The following PDZK1IP1 variants were observed in gnomAD, a reference collection of about 807,000 sequenced individuals.
The protein encoded by PDZK1IP1 is PDZK1-interacting protein 1.
PDZK1IP1 carries 9 observed loss-of-function variants against 14.7 expected under a neutral mutation model. The observed-to-expected ratio is 0.61, with a 90% confidence interval of 0.37 to 1.07. The LOEUF (loss-of-function observed/expected upper bound fraction) is 1.07, where lower values mean the gene tolerates loss of function less well. PDZK1IP1 is among the 50% of genes least tolerant of loss of function. The probability of loss-of-function intolerance (pLI) is 0.01; values close to 1 mark genes in which losing one functional copy is unlikely to be tolerated. For missense variants in PDZK1IP1, 152 were observed against 148.7 expected, an observed-to-expected ratio of 1.02 and a Z score of -0.11; for synonymous variants, 70 against 61.2, an observed-to-expected ratio of 1.14 and a Z score of -0.67.
intron 1 of PDZK1IP1, among the ~76,000 whole-genome samples, chr1:47,189,437 G>C (rs966638553): frequency 1.3e-5 from 2 of 152,188 alleles, no homozygotes; most frequent in African/African-American, 4.8e-5. Flanking sequence ...TTCAGGCAGA[G>C]CAGGACGAAG....
chr1:47,186,232 C>T (rs542771569), intron 2 of PDZK1IP1, among the ~76,000 whole-genome samples: 39 of 151,598 alleles, frequency 2.6e-4, no homozygotes, highest in Non-Finnish European at 1.6e-4. Context: ...CGCTTGAACC[C>T]GGGAGGCAGA....
intron 1 of PDZK1IP1, among the ~76,000 whole-genome samples, chr1:47,189,256 A>G (rs1557661979): frequency 6.6e-6 from 1 of 152,150 alleles, no homozygotes; most frequent in Non-Finnish European, 1.5e-5. Flanking sequence ...ACAGTGTAGA[A>G]TGAAAGCCAG....
chr1:47,188,207 C>T (rs1201709707), intron 1 of PDZK1IP1, among the ~76,000 whole-genome samples: 8 of 152,198 alleles, frequency 5.3e-5, no homozygotes, highest in African/African-American at 1.4e-4. Context: ...GGTCTTACTA[C>T]GTTGCCCAGG....
rs748965644 is a variant in PDZK1IP1 at position 47,187,382 on chromosome 1, G to C, written c.113C>G (p.Ala38Gly). 1 of 1,612,746 alleles carries C rather than the reference G, an allele frequency of 6.2e-7. No individual in the cohort carries two copies. Among genetic ancestry groups the C allele is most frequent in the African/African-American group, 1.3e-5 (1 of 74,934 alleles). ...GATTGCAACGAGGACCAGGAACACG[G>C]CCACCGCGATAAGGCCCTGCATCCA... ...QPWMQGLIAV[A>G]VFLVLVAIAF... is the part of the protein sequence containing the mutation. Residue 38 changes from alanine to glycine, a missense_variant, in exon 2 of 4, where the codon GCC (alanine) becomes GGC (glycine). Ala to Gly is a moderately conservative substitution (Grantham distance 60, BLOSUM62 0). Coordinates refer to ENST00000294338, the MANE Select transcript of PDZK1IP1 (RefSeq NM_005764.4).
intron 1 of PDZK1IP1, among the ~76,000 whole-genome samples, chr1:47,188,481 CA>C (rs1049545927): frequency 4.6e-5 from 7 of 152,326 alleles, no homozygotes; most frequent in Admixed American, 4.6e-4. Flanking sequence ...GGAGAAGTCC[CA>C]GGACAAAACA....
chr1:47,190,007 G>T lies in PDZK1IP1; in HGVS notation c.-75C>A. 1.7e-6 allele frequency: 2 copies of T among 1,206,944 alleles called. No homozygotes were observed. Among genetic ancestry groups the T allele is most frequent in the Non-Finnish European group, 1.1e-6 (1 of 887,084 alleles). 74.8% of individuals were successfully genotyped at this position (1,206,944 alleles called of 1,614,324 possible). ...TGGAGCTGCTGTGGAGTCTATTGGT[G>T]TCCGCCTGAAATCAACCTGGGCTCA... On this transcript the variant is annotated 5_prime_UTR_variant, in exon 1 of 4. Transcript: ENST00000294338.
At chr1:47,184,460 G>GAGTCCATCCTCCA (rs1645304911) in intron 3 of PDZK1IP1, among the ~76,000 whole-genome samples, 1 of 294 alleles carries the variant, frequency 3.4e-3, no homozygotes, top group African/African-American at 0.01. Flanking sequence ...CCCCACTGAG[G>GAGTCCATCCTCCA]CTGAGTCCAT....
At chr1:47,184,396 C>CTGAGT (rs1277256256) in intron 3 of PDZK1IP1, among the ~76,000 whole-genome samples, 4 of 61,920 alleles carry the variant, frequency 6.5e-5, no homozygotes, top group South Asian at 6.0e-4. Flanking sequence ...CCCCATTAAA[C>CTGAGT]CCATCCCCCA....
chr1:47,187,263 A>G, intron 2 of PDZK1IP1, 56 bp downstream of exon 2: 1 of 1,204,670 alleles, frequency 8.3e-7, no homozygotes, highest in South Asian at 1.2e-5. Flanking sequence ...TACTAGAGCA[A>G]GAGCAGTGGT....
Position 47,183,846 on chromosome 1 carries a change from C to T in PDZK1IP1, c.*125G>A. 4 of 811,144 alleles carry T rather than the reference C, an allele frequency of 4.9e-6. No individual in the cohort carries two copies. The highest frequency in any genetic ancestry group is 2.7e-5 in the East Asian group (1 of 37,512). The allele number at this position is 811,144 out of a possible 1,614,324, so 50.2% of individuals were successfully genotyped here. On this transcript the variant is annotated 3_prime_UTR_variant, in exon 4 of 4. Transcript: ENST00000294338. Reference sequence around the variant, plus strand: ...ATACTTCAAGGGCGGGTAGGGCCGGCATGGGGCTGGAGGGAGTCAGCCCAC... The same window carrying T: ...ATACTTCAAGGGCGGGTAGGGCCGGTATGGGGCTGGAGGGAGTCAGCCCAC...
In PDZK1IP1 at chr1:47,187,445, G is replaced by A. The variant is rs1460971599; in HGVS notation, c.68-18C>T. 1 of 1,597,894 alleles carries A rather than the reference G, an allele frequency of 6.3e-7. No individual in the cohort carries two copies. Among genetic ancestry groups the A allele is most frequent in the South Asian group, 1.1e-5 (1 of 90,726 alleles). ...CCCCAGGCCTAACAAAGGGAGAGGG[G>A]CTGTAGCAGACGGGGCCACAGTGGG... On this transcript the variant is annotated intron_variant, in intron 1 of 3. Transcript: ENST00000294338.
At chr1:47,184,072 G>C (rs747256229) in intron 3 of PDZK1IP1, 29 bp from the exon 4 acceptor site, 11 of 1,516,444 alleles carry the variant, frequency 7.3e-6, no homozygotes, top group Non-Finnish European at 9.0e-6. Context: ...GGCCTGATGG[G>C]TCATCGCTCC....
chr1:47,185,185 C>G (rs993089173), intron 2 of PDZK1IP1, 88 bp from the exon 3 acceptor site: 2 of 999,166 alleles, frequency 2.0e-6, no homozygotes, highest in Admixed American at 3.5e-5. Flanking sequence ...CTCACAAGCC[C>G]GAAGGCTAGC....
chr1:47,185,105 T>C lies in PDZK1IP1; in HGVS notation c.177-8A>G, dbSNP rs1645311094. Reference sequence around the variant, plus strand: ...ATCATGTGTGCAGGCTCCCTGGGGATGGGATTCATCAGTGGGGCTCCTCAG... The same window carrying C: ...ATCATGTGTGCAGGCTCCCTGGGGACGGGATTCATCAGTGGGGCTCCTCAG... On this transcript the variant is annotated splice_polypyrimidine_tract_variant and splice_region_variant and intron_variant, in intron 2 of 3. Coordinates refer to ENST00000294338, the MANE Select transcript of PDZK1IP1 (RefSeq NM_005764.4). 6.2e-7 allele frequency: 1 copy of C among 1,611,858 alleles called. No homozygotes were observed. The highest frequency in any genetic ancestry group is 1.1e-5 in the South Asian group (1 of 91,048).
chr1:47,188,082 A>C (rs897834089), intron 1 of PDZK1IP1, among the ~76,000 whole-genome samples: 12 of 152,200 alleles, frequency 7.9e-5, no homozygotes, highest in African/African-American at 2.9e-4. Context: ...AGAAGCCTCA[A>C]AACCTGAGCT....
rs773162789 is a variant in PDZK1IP1 at position 47,187,405 on chromosome 1, C to T, written c.90G>A (p.Trp30Ter). Residue 30 changes from tryptophan (W) to a stop codon, truncating the protein, a stop_gained, in exon 2 of 4, where the codon TGG (tryptophan) becomes TGA (stop). Transcript: ENST00000294338. LOFTEE classifies it high-confidence loss of function. ...CQQGLGNLQP[W>*]MQGLIAVAVF... ...CGGCCACCGCGATAAGGCCCTGCATCCAGGGCTGAAGGTTCCCCAGGCCTA... is the reference window on the plus strand; with the variant it reads ...CGGCCACCGCGATAAGGCCCTGCATTCAGGGCTGAAGGTTCCCCAGGCCTA... 1.2e-6 allele frequency: 2 copies of T among 1,612,698 alleles called. No homozygotes were observed. The highest frequency in any genetic ancestry group is 1.7e-6 in the Non-Finnish European group (2 of 1,179,898).
intron 2 of PDZK1IP1, chr1:47,185,381 C>A: frequency 2.5e-6 from 1 of 402,040 alleles, no homozygotes; most frequent in Non-Finnish European, 4.6e-6. Flanking sequence ...GCAGGCCCTG[C>A]AGGATGCAGT....
chr1:47,184,897 C>T, intron 3 of PDZK1IP1, 105 bp downstream of exon 3: 1 of 877,068 alleles, frequency 1.1e-6, no homozygotes, highest in South Asian at 1.4e-5. Flanking sequence ...CTTTTGCCCA[C>T]ATGAGTCTCC....
Position 47,185,243 on chromosome 1 carries a change from T to C in PDZK1IP1, c.177-146A>G, listed in dbSNP as rs1645312210. The C allele has an allele frequency of 1.9e-4, 123 of 651,728 alleles. 1 individual carries two copies. The South Asian group carries it at 2.1e-3, about 11-fold the overall frequency. 40.4% of individuals were successfully genotyped at this position (651,728 alleles called of 1,614,324 possible). On this transcript the variant is annotated intron_variant, in intron 2 of 3. Transcript: ENST00000294338. ...TGCAACAGGGCATGTCAGCCGCGGC[T>C]ACTGGCCCCACCCATGGGGTCTCTC...
Sources: allele counts gnomAD v4.1 joint callset (sites outside exome capture counted in the v4.1 genomes callset), GRCh38; gene constraint gnomAD v4.1.1; transcripts MANE v1.5; gene names NCBI Gene and HGNC (gene_info 2026-07-23, HGNC 2026-07-21).